TMEM131: variants seen among roughly 807,000 people sequenced by gnomAD.
TMEM131 encodes transmembrane protein 131, also known as 2610524E03Rik.
A neutral mutation model predicts 211.6 loss-of-function variants in TMEM131; 66 were observed. The observed-to-expected ratio is 0.31, with a 90% CI of 0.26 to 0.38. The LOEUF is 0.38. TMEM131 is among the 10% of genes least tolerant of loss of function. TMEM131 has a pLI of 1.00. For missense variants in TMEM131, 2,036 were observed against 2,299.3 expected (o/e 0.89, Z 2.34); for synonymous variants, 844 against 841.3 (o/e 1.00, Z -0.06).
intron 3 of TMEM131, among the ~76,000 whole-genome samples, chr2:97,898,246 TTTC>T (rs1675701151): frequency 6.6e-6 from 1 of 152,126 alleles, no homozygotes; most frequent in Admixed American, 6.6e-5. Flanking sequence ...TTATAAAATT[TTTC>T]TTCTATCTGA....
chr2:97,947,703 G>T (rs13022778), intron 1 of TMEM131, among the ~76,000 whole-genome samples: 114,082 of 151,952 alleles, frequency 0.75, 44,523 homozygotes, highest in African/African-American at 0.87. Context: ...GATTCTAAAA[G>T]TTATACAGAA....
intron 2 of TMEM131, among the ~76,000 whole-genome samples, chr2:97,924,864 A>T (rs1233263992): frequency 3.3e-5 from 5 of 152,070 alleles, no homozygotes; most frequent in African/African-American, 1.2e-4. Context: ...AATTTAAGGG[A>T]CTTGAACTCA....
At chr2:97,991,871 T>C (rs1031504582) in intron 1 of TMEM131, among the ~76,000 whole-genome samples, 2 of 152,206 alleles carry the variant, frequency 1.3e-5, no homozygotes, top group African/African-American at 4.8e-5. Flanking sequence ...TTAGATGAGT[T>C]TACATCTACT....
At chr2:97,942,492 CAAAA>C (rs199817985) in intron 1 of TMEM131, among the ~76,000 whole-genome samples, 3 of 69,678 alleles carry the variant, frequency 4.3e-5, no homozygotes, top group African/African-American at 1.8e-4. Context: ...AAAAAAAATA[CAAAA>C]AAAAAGAAAA....
At chr2:97,947,876 C>T (rs886209310) in intron 1 of TMEM131, among the ~76,000 whole-genome samples, 3 of 152,242 alleles carry the variant, frequency 2.0e-5, no homozygotes, top group Admixed American at 2.0e-4. Flanking sequence ...CAAAAGTAGA[C>T]CCCCACATAT....
At chr2:97,964,728 T>C (rs1293098197) in intron 1 of TMEM131, among the ~76,000 whole-genome samples, 1 of 152,236 alleles carries the variant, frequency 6.6e-6, no homozygotes, top group Non-Finnish European at 1.5e-5. Flanking sequence ...CACTGTACTA[T>C]GCAATCTGCA....
At chr2:97,758,168 A>T (rs993578040) in intron 40 of TMEM131, among the ~76,000 whole-genome samples, 1 of 152,050 alleles carries the variant, frequency 6.6e-6, no homozygotes, top group East Asian at 1.9e-4. Context: ...CTTCTCTTTT[A>T]AAGAATGGTT....
chr2:97,869,727 C>T (rs1210737636), intron 4 of TMEM131, among the ~76,000 whole-genome samples: 1 of 152,170 alleles, frequency 6.6e-6, no homozygotes, highest in Non-Finnish European at 1.5e-5. Context: ...TCCTCCGTTC[C>T]TTTGGTGACA....
intron 32 of TMEM131, among the ~76,000 whole-genome samples, chr2:97,775,495 C>G (rs202078350): frequency 6.6e-6 from 1 of 152,150 alleles, no homozygotes; most frequent in Admixed American, 6.5e-5. Context: ...TTCTTTTGAT[C>G]CTTAAAATCT....
intron 1 of TMEM131, among the ~76,000 whole-genome samples, chr2:97,943,049 GAAAGAAAGAAAGA>G (rs1677855477): frequency 1.9e-5 from 1 of 53,474 alleles, no homozygotes; most frequent in South Asian, 3.5e-4. Flanking sequence ...AAGAAAGAAA[GAAAGAAAGAAAGA>G]AAGAAAGAAA....
chr2:97,830,747 A>G (rs1345865741), intron 11 of TMEM131, among the ~76,000 whole-genome samples: 1 of 152,218 alleles, frequency 6.6e-6, no homozygotes, highest in African/African-American at 2.4e-5. Context: ...TCAAAGTTGC[A>G]TTATAGACAT....
At chr2:97,810,052 T>G (rs1301119879) in intron 18 of TMEM131, among the ~76,000 whole-genome samples, 2 of 152,160 alleles carry the variant, frequency 1.3e-5, no homozygotes, top group Non-Finnish European at 2.9e-5. Flanking sequence ...GACAGATTTT[T>G]TAAAAATACA....
intron 33 of TMEM131, among the ~76,000 whole-genome samples, chr2:97,769,538 G>A (rs1325290855): frequency 1.3e-5 from 2 of 152,160 alleles, no homozygotes; most frequent in East Asian, 3.8e-4. Context: ...GTCTGGGGCT[G>A]GCGTGTGCAG....
At chr2:97,857,049 C>T (rs1559404973) in intron 5 of TMEM131, among the ~76,000 whole-genome samples, 1 of 152,192 alleles carries the variant, frequency 6.6e-6, no homozygotes, top group South Asian at 2.1e-4. Flanking sequence ...ATTCTCTTTG[C>T]CTAACATTCA....
chr2:97,909,829 A>C (rs1436689866), intron 2 of TMEM131, among the ~76,000 whole-genome samples: 2 of 152,056 alleles, frequency 1.3e-5, no homozygotes, highest in Non-Finnish European at 2.9e-5. Context: ...TAAAGCAAAC[A>C]CAGCAAAATG....
At chr2:97,944,438 T>C (rs997909607) in intron 1 of TMEM131, among the ~76,000 whole-genome samples, 1 of 152,098 alleles carries the variant, frequency 6.6e-6, no homozygotes, top group Non-Finnish European at 1.5e-5. Flanking sequence ...TTAACTAGAA[T>C]AGGTAAGCAA....
In TMEM131 at chr2:97,760,862, C is replaced by T; in HGVS notation, c.4942G>A (p.Ala1648Thr). The change falls in exon 37 of 41, where the codon GCC becomes ACC. Residue 1648 changes from alanine to threonine, a missense_variant. Ala to Thr is a moderately conservative substitution (Grantham distance 58). Coordinates refer to ENST00000186436, the MANE Select transcript of TMEM131 (RefSeq NM_015348.2). ...TTGCCGTTCTTGCCCGGGAGCGAGG[C>T]TGCCTTTGTCAACTTGTGTTTGCTT... ...NGSKHKLTKA[A>T]SLPGKNGNPT... 3.1e-6 allele frequency: 5 copies of T among 1,614,058 alleles called. No homozygotes were observed. The highest frequency in any genetic ancestry group is 4.2e-6 in the Non-Finnish European group (5 of 1,179,904).
At chr2:97,988,173 T>C (rs1270490600) in intron 1 of TMEM131, among the ~76,000 whole-genome samples, 1 of 152,148 alleles carries the variant, frequency 6.6e-6, no homozygotes, top group Non-Finnish European at 1.5e-5. Flanking sequence ...AGCCAATTAA[T>C]TTTCATACAA....
At chr2:97,825,442 A>G (rs891272085) in intron 11 of TMEM131, among the ~76,000 whole-genome samples, 4 of 152,198 alleles carry the variant, frequency 2.6e-5, no homozygotes, top group African/African-American at 4.8e-5. Context: ...ACCCTAAGAC[A>G]AAACAGTTAC....
Sources: gnomAD v4.1 joint callset for allele counts (sites outside exome capture counted in the v4.1 genomes callset) on GRCh38, gnomAD v4.1.1 for gene constraint, MANE v1.5 for transcripts, NCBI Gene and HGNC (gene_info 2026-07-23, HGNC 2026-07-21) for gene names.